Variants in MACC1 observed in about 807,000 individuals in gnomAD.
MACC1 encodes MET transcriptional regulator MACC1, also known as metastasis-associated in colon cancer protein 1.
Under a neutral mutation model 70.7 loss-of-function variants are expected in MACC1, and 79 were observed. The observed-to-expected ratio is 1.12, with a 90% CI of 0.93 to 1.35. The LOEUF (loss-of-function observed/expected upper bound fraction) is 1.35. MACC1 is among the 40% of genes most tolerant of loss of function. The pLI is 0.00. For missense variants in MACC1, 1,106 were observed against 978.1 expected (o/e 1.13, Z -1.74); for synonymous variants, 361 against 347.2 (o/e 1.04, Z -0.44).
intron 1 of MACC1, 131 bp downstream of exon 1, chr7:20,217,168 C>A (rs1338163081): frequency 6.6e-6 from 1 of 152,128 alleles, no homozygotes; most frequent in Non-Finnish European, 1.5e-5. Context: ...AGTTACCTTC[C>A]CTTTATTTAA....
chr7:20,145,345 G>C (rs10265489), intron 6 of MACC1, among the ~76,000 whole-genome samples: 17,598 of 152,020 alleles, frequency 0.12, 1,191 homozygotes, highest in Non-Finnish European at 0.15. Context: ...GGGGGCATAC[G>C]ACAGGTACAA....
intron 6 of MACC1, among the ~76,000 whole-genome samples, chr7:20,145,705 A>G (rs993992956): frequency 6.6e-6 from 1 of 152,236 alleles, no homozygotes; most frequent in African/African-American, 2.4e-5. Context: ...ACATAAATAC[A>G]AAAGGATGTT....
intron 1 of MACC1, among the ~76,000 whole-genome samples, chr7:20,208,526 A>G (rs993372598): frequency 7.2e-5 from 11 of 152,184 alleles, no homozygotes; most frequent in African/African-American, 2.7e-4. Flanking sequence ...TGACCTAGAG[A>G]TCTGTGGAAC....
chr7:20,186,440 G>C (rs920085537), intron 1 of MACC1, among the ~76,000 whole-genome samples: 1 of 152,060 alleles, frequency 6.6e-6, no homozygotes, highest in Admixed American at 6.5e-5. Flanking sequence ...GTGAATGTAT[G>C]GCTTTTGTCA....
intron 5 of MACC1, among the ~76,000 whole-genome samples, chr7:20,156,626 G>C (rs1201345696): frequency 1.3e-5 from 2 of 152,178 alleles, no homozygotes; most frequent in Non-Finnish European, 2.9e-5. Context: ...CAATAGTTCT[G>C]AATGTCCCAG....
In MACC1 at chr7:20,176,554, G is replaced by A. The variant is rs541050183; in HGVS notation, c.-217-5776C>T. ...TAAAAATTCAACATAAACTTGCCAT[G>A]TGCCCAGCAATCACCCTGGATGTTT... On this transcript the variant is annotated intron_variant, in intron 1 of 6. Transcript: ENST00000400331. Among the ~76,000 whole-genome samples the A allele has an allele frequency of 1.6e-4, 24 of 152,224 alleles. 1 individual carries two copies. In the South Asian group the frequency reaches 4.3e-3, roughly 28 times the overall value.
intron 5 of MACC1, among the ~76,000 whole-genome samples, chr7:20,156,574 C>T (rs908376347): frequency 5.9e-5 from 9 of 152,162 alleles, no homozygotes; most frequent in Non-Finnish European, 7.3e-5. Flanking sequence ...AAAATGCACA[C>T]GCAGCTTCCA....
At chr7:20,178,678 C>A (rs1382671868) in intron 1 of MACC1, among the ~76,000 whole-genome samples, 1 of 152,214 alleles carries the variant, frequency 6.6e-6, no homozygotes, top group African/African-American at 2.4e-5. Context: ...CGGCTCACCG[C>A]AACCTCTGCC....
intron 1 of MACC1, among the ~76,000 whole-genome samples, chr7:20,214,193 A>G (rs1783037347): frequency 6.6e-6 from 1 of 152,116 alleles, no homozygotes; most frequent in Non-Finnish European, 1.5e-5. Flanking sequence ...AACCATTTTG[A>G]GCCCCCTGTT....
chr7:20,144,862 T>C (rs1398667742), intron 6 of MACC1, among the ~76,000 whole-genome samples: 2 of 152,124 alleles, frequency 1.3e-5, no homozygotes, highest in Non-Finnish European at 2.9e-5. Context: ...AAGTCAATTA[T>C]TAGTGGATAC....
chr7:20,194,315 A>C (rs1782717053), intron 1 of MACC1, among the ~76,000 whole-genome samples: 1 of 152,220 alleles, frequency 6.6e-6, no homozygotes, highest in South Asian at 2.1e-4. Context: ...TCTGACACAG[A>C]GATCAGTGAT....
intron 1 of MACC1, among the ~76,000 whole-genome samples, chr7:20,180,656 T>A (rs1782489699): frequency 6.6e-6 from 1 of 151,840 alleles, no homozygotes; most frequent in South Asian, 2.1e-4. Flanking sequence ...ACCAGCCAGG[T>A]CAACATGGTG....
intron 6 of MACC1, among the ~76,000 whole-genome samples, chr7:20,144,414 A>T (rs1295360153): frequency 6.6e-6 from 1 of 152,212 alleles, no homozygotes; most frequent in Non-Finnish European, 1.5e-5. Context: ...AAAGAAAGAT[A>T]GGTTTGGGTG....
At chr7:20,143,555 A>AT (rs1470938585) in intron 6 of MACC1, among the ~76,000 whole-genome samples, 10 of 151,012 alleles carry the variant, frequency 6.6e-5, no homozygotes, top group Non-Finnish European at 1.0e-4. Flanking sequence ...CGCCCAGCTA[A>AT]TTTTTTTGTA....
chr7:20,167,532 C>G (rs956483947), intron 2 of MACC1, among the ~76,000 whole-genome samples: 3 of 151,512 alleles, frequency 2.0e-5, no homozygotes, highest in Non-Finnish European at 2.9e-5. Context: ...GAAATAAAGT[C>G]TTAGGGACAT....
intron 1 of MACC1, among the ~76,000 whole-genome samples, chr7:20,205,080 C>A (rs1782891719): frequency 6.7e-6 from 1 of 148,802 alleles, no homozygotes; most frequent in Non-Finnish European, 1.5e-5. Flanking sequence ...GATATTAATA[C>A]AATTTTTTTT....
intron 1 of MACC1, among the ~76,000 whole-genome samples, chr7:20,187,232 T>G (rs1314911022): frequency 6.6e-6 from 1 of 152,190 alleles, no homozygotes; most frequent in Non-Finnish European, 1.5e-5. Flanking sequence ...AAGATATTAT[T>G]TTACATAGAG....
At chr7:20,205,679 T>C (rs912211744) in intron 1 of MACC1, among the ~76,000 whole-genome samples, 1 of 152,226 alleles carries the variant, frequency 6.6e-6, no homozygotes. Context: ...TATTTAAACA[T>C]TTCTCAAGGG....
In MACC1 at chr7:20,140,806, CACACACACACACACACACAG is replaced by C. The variant is rs1781785982; in HGVS notation, c.*120_*139del. On this transcript the variant is annotated 3_prime_UTR_variant, in exon 7 of 7. Coordinates refer to ENST00000400331, the MANE Select transcript of MACC1 (RefSeq NM_182762.4). Reference sequence around the variant, plus strand: ...TTTCTGAGATTCTTTCTTTCCTACACACACACACACACACACACAGACACACACACACAGACACACACACA... The same window carrying C: ...TTTCTGAGATTCTTTCTTTCCTACACACACACACACACAGACACACACACA... 3 of 262,720 alleles carry C rather than the reference CACACACACACACACACACAG, an allele frequency of 1.1e-5. No homozygotes were observed. The highest frequency in any genetic ancestry group is 1.6e-5 in the Non-Finnish European group (2 of 128,180). The allele number at this position is 262,720 out of a possible 1,614,324, so 16.3% of individuals were successfully genotyped here. A position where few individuals can be genotyped will look rare whatever the true frequency, so the allele number is the denominator to read the frequency against.
Sources: allele counts gnomAD v4.1 joint callset (sites outside exome capture counted in the v4.1 genomes callset), GRCh38; gene constraint gnomAD v4.1.1; transcripts MANE v1.5; gene names NCBI Gene and HGNC (gene_info 2026-07-23, HGNC 2026-07-21).